Variants in LRMDA observed in about 807,000 individuals in gnomAD.
LRMDA encodes leucine-rich melanocyte differentiation-associated protein.
A neutral mutation model predicts 29.8 loss-of-function variants in LRMDA; 18 were observed. The observed-to-expected ratio is 0.60, with a 90% CI of 0.42 to 0.90. The LOEUF (loss-of-function observed/expected upper bound fraction) is 0.90. LRMDA is among the 40% of genes least tolerant of loss of function. The probability of loss-of-function intolerance (pLI) is 0.00; values close to 1 mark genes in which losing one functional copy is unlikely to be tolerated. For missense variants in LRMDA, 273 were observed against 273.9 expected, an observed-to-expected ratio of 1.00 and a Z score of 0.02; for synonymous variants, 125 against 109.4, an observed-to-expected ratio of 1.14 and a Z score of -0.89.
rs1210975434 is a variant in LRMDA, at chr10:76,005,194, A to G, written c.132-30814A>G. Among the ~76,000 whole-genome samples, 4 of 152,186 alleles carry G rather than the reference A, an allele frequency of 2.6e-5. No homozygotes were observed. The East Asian group carries it at 7.7e-4, about 29-fold the overall frequency. On this transcript the variant is annotated intron_variant, in intron 2 of 6. Coordinates refer to ENST00000611255, the MANE Select transcript of LRMDA (RefSeq NM_001305581.2). ...TTTTGTTTATCTTCTCCCTAAACAT[A>G]GGACTTCTCTGTATGTATTACTGTA... is the stretch of plus-strand genomic sequence containing the variant.
intron 2 of LRMDA, among the ~76,000 whole-genome samples, chr10:75,826,260 T>C (rs190603167): frequency 3.9e-5 from 6 of 152,030 alleles, no homozygotes; most frequent in Middle Eastern, 6.8e-3. Flanking sequence ...CTCAAAAAGG[T>C]TAATGAATTG....
intron 5 of LRMDA, among the ~76,000 whole-genome samples, chr10:76,265,068 A>G (rs2132313824): frequency 6.6e-6 from 1 of 152,276 alleles, no homozygotes; most frequent in Middle Eastern, 3.4e-3. Context: ...CTCCCTCTTC[A>G]ACTTTCGAAA....
At chr10:76,143,565 T>G (rs1205232812) in intron 5 of LRMDA, among the ~76,000 whole-genome samples, 16 of 152,076 alleles carry the variant, frequency 1.1e-4, no homozygotes, top group South Asian at 2.1e-4. Flanking sequence ...TAAATTTGTT[T>G]GAGTTCATTG....
intron 6 of LRMDA, among the ~76,000 whole-genome samples, chr10:76,340,662 C>T (rs753545707): frequency 2.0e-5 from 3 of 151,864 alleles, no homozygotes; most frequent in Non-Finnish European, 4.4e-5. Context: ...CTATAGCAAC[C>T]TGCATATGAA....
chr10:76,248,510 A>G (rs1439377927), intron 5 of LRMDA, among the ~76,000 whole-genome samples: 1 of 152,188 alleles, frequency 6.6e-6, no homozygotes, highest in Non-Finnish European at 1.5e-5. Context: ...AGGGTTGGAT[A>G]AAGATGATTT....
At chr10:76,009,503 C>T (rs2132478042) in intron 2 of LRMDA, among the ~76,000 whole-genome samples, 1 of 152,334 alleles carries the variant, frequency 6.6e-6, no homozygotes, top group South Asian at 2.1e-4. Context: ...TCCTTGCCTG[C>T]ATCCCTCTGA....
intron 2 of LRMDA, among the ~76,000 whole-genome samples, chr10:75,614,288 C>T (rs909664930): frequency 1.3e-5 from 2 of 152,040 alleles, no homozygotes; most frequent in African/African-American, 2.4e-5. Flanking sequence ...GCAGATAAGA[C>T]GTTTTTATAA....
intron 6 of LRMDA, among the ~76,000 whole-genome samples, chr10:76,388,160 A>C (rs1351306966): frequency 6.6e-6 from 1 of 152,150 alleles, no homozygotes. Flanking sequence ...TATTGTATTA[A>C]GTGCTTGGAT....
At chr10:76,016,014 A>G (rs1325307342) in intron 2 of LRMDA, among the ~76,000 whole-genome samples, 2 of 152,320 alleles carry the variant, frequency 1.3e-5, no homozygotes, top group East Asian at 1.9e-4. Flanking sequence ...TTTATGTGGC[A>G]TATAATCATA....
chr10:75,502,293 T>G (rs2132070229), intron 2 of LRMDA, among the ~76,000 whole-genome samples: 1 of 152,368 alleles, frequency 6.6e-6, no homozygotes, highest in East Asian at 1.9e-4. Context: ...GGGTGAGCCC[T>G]GTGGCTTCTG....
rs541510252 is a variant in LRMDA, at chr10:75,622,113, A to G, written c.131+183619A>G. ...TGCTTTGGGTTTATACAGTGAATAA[A>G]TTGGCTGAAAAGGTAGCTGTGTGTA... On this transcript the variant is annotated intron_variant, in intron 2 of 6. Coordinates refer to ENST00000611255, the MANE Select transcript of LRMDA (RefSeq NM_001305581.2). Among the ~76,000 whole-genome samples the G allele has an allele frequency of 3.3e-5, 5 of 152,302 alleles. No homozygotes were observed. The South Asian group carries it at 8.3e-4, about 25-fold the overall frequency.
intron 2 of LRMDA, among the ~76,000 whole-genome samples, chr10:76,018,388 C>G (rs1358700817): frequency 6.6e-6 from 1 of 152,150 alleles, no homozygotes; most frequent in African/African-American, 2.4e-5. Context: ...ATAGCCCCCA[C>G]TTGAGAACCA....
At chr10:75,690,992 T>C (rs376298992) in intron 2 of LRMDA, among the ~76,000 whole-genome samples, 10,328 of 93,562 alleles carry the variant, frequency 0.11, 577 homozygotes, top group African/African-American at 0.18. Flanking sequence ...TATATATATA[T>C]ATACACACAC....
chr10:75,697,850 T>TGTGCGC (rs10664076), intron 2 of LRMDA, among the ~76,000 whole-genome samples: 27 of 151,586 alleles, frequency 1.8e-4, no homozygotes, highest in African/African-American at 5.8e-4. Context: ...TGTGTGTGTG[T>TGTGCGC]GCGTGTGTGT....
At chr10:76,248,127 T>C (rs935465672) in intron 5 of LRMDA, among the ~76,000 whole-genome samples, 5 of 152,286 alleles carry the variant, frequency 3.3e-5, no homozygotes, top group Admixed American at 2.6e-4. Flanking sequence ...AATTGGGAGC[T>C]ATTTTGACTC....
intron 2 of LRMDA, among the ~76,000 whole-genome samples, chr10:75,489,944 C>T (rs1042695598): frequency 7.9e-5 from 12 of 152,034 alleles, no homozygotes; most frequent in Non-Finnish European, 1.8e-4. Context: ...CATATGTGTT[C>T]TCATTTAACT....
intron 5 of LRMDA, among the ~76,000 whole-genome samples, chr10:76,082,058 G>A (rs1018427420): frequency 6.6e-6 from 1 of 151,910 alleles, no homozygotes; most frequent in South Asian, 2.1e-4. Context: ...ACAGGTTTAG[G>A]ACTGCACAGA....
At chr10:75,497,305 G>A (rs1441543106) in intron 2 of LRMDA, among the ~76,000 whole-genome samples, 1 of 152,002 alleles carries the variant, frequency 6.6e-6, no homozygotes, top group Non-Finnish European at 1.5e-5. Flanking sequence ...GCCCACTATT[G>A]AGATTCTTCC....
chr10:76,547,494 C>CATTTATTTATTTATTTATTT (rs148952693), intron 6 of LRMDA, among the ~76,000 whole-genome samples: 3 of 151,990 alleles, frequency 2.0e-5, no homozygotes. Context: ...TAGTTGCCGC[C>CATTTATTTATTTATTTATTT]ATTTATTTAT....
Sources: allele counts gnomAD v4.1 joint callset (sites outside exome capture counted in the v4.1 genomes callset), GRCh38; gene constraint gnomAD v4.1.1; transcripts MANE v1.5; gene names NCBI Gene and HGNC (gene_info 2026-07-23, HGNC 2026-07-21).